The following ZNF431 variants were observed in gnomAD, a reference collection of about 807,000 sequenced individuals.
The protein encoded by ZNF431 is zinc finger protein 431.
Under a neutral mutation model 57.0 loss-of-function variants are expected in ZNF431, and 34 were observed. The ratio of observed to expected loss-of-function variants is 0.60; its 90% CI spans 0.45 to 0.79. The LOEUF (loss-of-function observed/expected upper bound fraction) is 0.79, where lower values mean the gene tolerates loss of function less well. ZNF431 is among the 30% of genes least tolerant of loss of function. The probability of loss-of-function intolerance (pLI) is 0.00; values close to 1 mark genes in which losing one functional copy is unlikely to be tolerated. For missense variants in ZNF431, 607 were observed against 667.1 expected (o/e 0.91, Z 0.99); for synonymous variants, 207 against 220.3 (o/e 0.94, Z 0.54).
chr19:21,142,103 G>A lies in ZNF431; in HGVS notation c.-81G>A. ...CTGCTCTGTGTCCTCTGCTCCTAGAGGCCCAACATCTGTGGCCCTGTGACC... is the reference window on the plus strand; with the variant it reads ...CTGCTCTGTGTCCTCTGCTCCTAGAAGCCCAACATCTGTGGCCCTGTGACC... On this transcript the variant is annotated 5_prime_UTR_variant, in exon 1 of 5. Transcript: ENST00000311048. The A allele has an allele frequency of 1.9e-6, 3 of 1,584,376 alleles. No homozygotes were observed. The highest frequency in any genetic ancestry group is 2.6e-6 in the Non-Finnish European group (3 of 1,155,034).
chr19:21,159,495 C>T (rs914351198), intron 2 of ZNF431, among the ~76,000 whole-genome samples: 4 of 152,136 alleles, frequency 2.6e-5, no homozygotes, highest in African/African-American at 7.2e-5. Context: ...GCCTCAGCCT[C>T]ACGAGTAGCT....
chr19:21,174,756 G>A (rs1971002085), intron 4 of ZNF431, among the ~76,000 whole-genome samples: 1 of 151,922 alleles, frequency 6.6e-6, no homozygotes, highest in African/African-American at 2.4e-5. Flanking sequence ...ATGTATGTAT[G>A]TATTTATGTA....
chr19:21,148,391 G>A (rs1970167824), intron 2 of ZNF431, among the ~76,000 whole-genome samples: 1 of 152,120 alleles, frequency 6.6e-6, no homozygotes. Flanking sequence ...CAAAGTCCTT[G>A]TTGTTAGAGT....
chr19:21,143,439 T>C, intron 1 of ZNF431, 112 bp from the exon 2 acceptor site: 2 of 841,680 alleles, frequency 2.4e-6, no homozygotes, highest in Non-Finnish European at 2.0e-6. Flanking sequence ...CTTTTAGTTT[T>C]TTTCTGGTCG....
chr19:21,171,543 G>T (rs1056329625), intron 4 of ZNF431, among the ~76,000 whole-genome samples: 2 of 151,552 alleles, frequency 1.3e-5, no homozygotes, highest in Admixed American at 6.6e-5. Context: ...ATATGTGTGT[G>T]TGTTTATCTA....
chr19:21,182,776 A>G lies in ZNF431; in HGVS notation c.473A>G (p.Lys158Arg), dbSNP rs772346848. ...SASVDEYKVH[K>R]EGYNELNQCL... is the part of the protein sequence containing the mutation. Reference sequence around the variant, plus strand: ...AGTGTAGATGAGTATAAGGTGCACAAAGAAGGTTATAATGAGCTAAACCAG... The same window carrying G: ...AGTGTAGATGAGTATAAGGTGCACAGAGAAGGTTATAATGAGCTAAACCAG... Residue 158 changes from lysine to arginine, a missense_variant, in exon 5 of 5, where the codon AAA (lysine) becomes AGA (arginine). Physicochemically the swap from Lys to Arg is conservative, Grantham distance 26. Coordinates refer to ENST00000311048, the MANE Select transcript of ZNF431 (RefSeq NM_133473.4). 22 of 1,613,778 alleles carry G rather than the reference A, an allele frequency of 1.4e-5. No individual in the cohort carries two copies. In the South Asian group the frequency reaches 1.8e-4, roughly 13 times the overall value.
chr19:21,149,023 G>C (rs942848529), intron 2 of ZNF431, among the ~76,000 whole-genome samples: 11 of 152,126 alleles, frequency 7.2e-5, no homozygotes, highest in Non-Finnish European at 1.2e-4. Flanking sequence ...ATTATTTCAT[G>C]ACTTATACAG....
chr19:21,143,630 C>G lies in ZNF431; in HGVS notation c.83C>G (p.Ser28Cys), dbSNP rs751750411. The stretch of plus-strand genomic sequence containing the variant: ...GCTGAGAGGAATCTTCTAGTTTACT[C>G]TTATTTTGAAAAGGTAACCTCTTGA... ...PGAERNLLVY[S>C]YFEKETLTFR... Residue 28 changes from serine to cysteine, a missense_variant, in exon 2 of 5, where the codon TCT (serine) becomes TGT (cysteine). Physicochemically the swap from Ser to Cys is moderately radical, Grantham distance 112 (BLOSUM62 -1). Coordinates refer to ENST00000311048, the MANE Select transcript of ZNF431 (RefSeq NM_133473.4). 37 of 1,613,596 alleles carry G rather than the reference C, an allele frequency of 2.3e-5. 2 individuals are homozygous for G. In the South Asian group the frequency reaches 3.7e-4, roughly 16 times the overall value.
chr19:21,147,957 T>C (rs1179639445), intron 2 of ZNF431, among the ~76,000 whole-genome samples: 5 of 152,152 alleles, frequency 3.3e-5, no homozygotes, highest in Admixed American at 6.5e-5. Context: ...TTTATATTTG[T>C]GTATGATTTA....
At chr19:21,152,412 C>G (rs1308922539) in intron 2 of ZNF431, among the ~76,000 whole-genome samples, 1 of 152,010 alleles carries the variant, frequency 6.6e-6, no homozygotes, top group African/African-American at 2.4e-5. Flanking sequence ...CCCTTTTGGA[C>G]AAGAAAAAGA....
In ZNF431 at chr19:21,189,661, C is replaced by T. The variant is rs1037529386; in HGVS notation, c.*5627C>T. The T allele has an allele frequency of 9.6e-5, 33 of 342,896 alleles. No homozygotes were observed. In the East Asian group the frequency reaches 1.4e-3, roughly 14 times the overall value. 21.2% of individuals were successfully genotyped at this position (342,896 alleles called of 1,614,324 possible). A position where few individuals can be genotyped will look rare whatever the true frequency, so the allele number is the denominator to read the frequency against. ...TATGTATTATTTCACAAACATGTTT[C>T]CAGCCTTCCATTTCTTATAAATAAC... is the stretch of plus-strand genomic sequence containing the variant. On this transcript the variant is annotated 3_prime_UTR_variant, in exon 5 of 5. Transcript: ENST00000311048.
chr19:21,144,454 TC>T (rs1444966860), intron 2 of ZNF431, among the ~76,000 whole-genome samples: 5 of 152,084 alleles, frequency 3.3e-5, no homozygotes, highest in African/African-American at 1.2e-4. Context: ...TCTGCCTGCC[TC>T]AGCCTCCTAA....
chr19:21,182,546 T>C, intron 4 of ZNF431, 77 bp from the exon 5 acceptor site: 2 of 1,422,526 alleles, frequency 1.4e-6, no homozygotes, highest in South Asian at 2.9e-5. Flanking sequence ...GTAGTTTGTA[T>C]AATGTAGGTT....
chr19:21,148,983 A>G (rs1228834197), intron 2 of ZNF431, among the ~76,000 whole-genome samples: 1 of 152,214 alleles, frequency 6.6e-6, no homozygotes, highest in Admixed American at 6.5e-5. Context: ...TAAATTGTAC[A>G]ACATTTCTTG....
intron 2 of ZNF431, among the ~76,000 whole-genome samples, chr19:21,159,676 T>C (rs746654954): frequency 2.6e-5 from 4 of 152,186 alleles, no homozygotes; most frequent in Non-Finnish European, 4.4e-5. Context: ...TGGCTGATGC[T>C]ATTCTTATAT....
chr19:21,145,482 GAAAC>G (rs1970060335), intron 2 of ZNF431, among the ~76,000 whole-genome samples: 1 of 152,068 alleles, frequency 6.6e-6, no homozygotes, highest in Admixed American at 6.6e-5. Context: ...ATCTCAAAAA[GAAAC>G]AAAGAAACAA....
rs1017017701 is a variant in ZNF431 at position 21,184,312 on chromosome 19, T to C, written c.*278T>C. 5.4e-5 allele frequency: 14 copies of C among 259,600 alleles called. No individual in the cohort carries two copies. In the Admixed American group the frequency reaches 6.3e-4, roughly 12 times the overall value. 16.1% of individuals were successfully genotyped at this position (259,600 alleles called of 1,614,324 possible). On this transcript the variant is annotated 3_prime_UTR_variant, in exon 5 of 5. Coordinates refer to ENST00000311048, the MANE Select transcript of ZNF431 (RefSeq NM_133473.4). Reference sequence around the variant, plus strand: ...TTGCAGTGAGCCAAGATTGTACCACTGCACTCCAGTTTGGCAACAGAGTGA... The same window carrying C: ...TTGCAGTGAGCCAAGATTGTACCACCGCACTCCAGTTTGGCAACAGAGTGA...
rs1379485430 is a variant in ZNF431, at chr19:21,190,389, T to G, written c.*6355T>G. Reference sequence around the variant, plus strand: ...TGCGATTGCTGTATTACCTGGTAGTTTTTTTGATAAATCTGTATTTTGTTT... The same window carrying G: ...TGCGATTGCTGTATTACCTGGTAGTGTTTTTGATAAATCTGTATTTTGTTT... On this transcript the variant is annotated 3_prime_UTR_variant, in exon 5 of 5. Transcript: ENST00000311048. The G allele has an allele frequency of 6.6e-6, 1 of 152,316 alleles. No individual in the cohort carries two copies. The highest frequency in any genetic ancestry group is 6.5e-5 in the Admixed American group (1 of 15,274). 9.4% of individuals were successfully genotyped at this position (152,316 alleles called of 1,614,324 possible).
rs139792942 is a variant in ZNF431, at chr19:21,174,146, G to A, written c.319+6480G>A. On this transcript the variant is annotated intron_variant, in intron 4 of 4. Transcript: ENST00000311048. ...TTGTAAGTTTCCTGAGACCCTCACC[G>A]GAAGCAGATGCTGTTACATCCTTCT... 4.0e-3 allele frequency among the ~76,000 whole-genome samples: 602 copies of A among 152,052 alleles called. 3 individuals carry two copies. The highest frequency in any genetic ancestry group is 0.013 in the African/African-American group (555 of 41,486).
Sources: allele counts gnomAD v4.1 joint callset (sites outside exome capture counted in the v4.1 genomes callset), GRCh38; gene constraint gnomAD v4.1.1; transcripts MANE v1.5; gene names NCBI Gene and HGNC (gene_info 2026-07-23, HGNC 2026-07-21).